The following GALNT13 variants were observed in gnomAD, a reference collection of about 807,000 sequenced individuals.
GALNT13 encodes UDP-GalNAc:polypeptide N-acetylgalactosaminyltransferase 13.
A neutral mutation model predicts 64.2 loss-of-function variants in GALNT13; 28 were observed. That is an observed-to-expected ratio of 0.44 (90% CI 0.32 to 0.60). The LOEUF (loss-of-function observed/expected upper bound fraction) is 0.60, where lower values mean the gene tolerates loss of function less well. GALNT13 is among the 20% of genes least tolerant of loss of function. GALNT13 has a pLI of 0.05. For synonymous variants in GALNT13, 214 were observed against 224.6 expected (o/e 0.95, Z 0.42); for missense variants, 577 against 669.8 (o/e 0.86, Z 1.53).
At chr2:153,156,370 A>T in the GALNT13 span, among the ~76,000 whole-genome samples, 1 of 152,178 alleles carries the variant, frequency 6.6e-6, no homozygotes, top group East Asian at 1.9e-4. Context: ...TCTCTAATAC[A>T]GTCATTTATA....
intron 4 of GALNT13, among the ~76,000 whole-genome samples, chr2:154,205,724 A>G (rs925781239): frequency 6.6e-6 from 1 of 152,156 alleles, no homozygotes; most frequent in African/African-American, 2.4e-5. Flanking sequence ...GGGAACTCCC[A>G]TTTTTAAAAC....
chr2:154,298,549 A>AAATTGTATATATTTATATATAC (rs1693106363), intron 8 of GALNT13, among the ~76,000 whole-genome samples: 1 of 60,266 alleles, frequency 1.7e-5, no homozygotes, highest in Non-Finnish European at 3.2e-5. Context: ...TTTATATATA[A>AAATTGTATATATTTATATATAC]ATTGTATATA....
chr2:153,487,210 A>G, the GALNT13 span, among the ~76,000 whole-genome samples: 2 of 152,244 alleles, frequency 1.3e-5, no homozygotes, highest in Non-Finnish European at 2.9e-5. Context: ...GAAACAATGT[A>G]GGTCACCTAT....
At chr2:153,440,586 A>G in the GALNT13 span, among the ~76,000 whole-genome samples, 2 of 152,042 alleles carry the variant, frequency 1.3e-5, no homozygotes, top group Non-Finnish European at 2.9e-5. Context: ...AAGTGTTCCT[A>G]TTTCTCCACA....
At chr2:153,547,504 ATAAGCC>A in the GALNT13 span, among the ~76,000 whole-genome samples, 1 of 152,244 alleles carries the variant, frequency 6.6e-6, no homozygotes, top group African/African-American at 2.4e-5. Context: ...ATTCATTTTC[ATAAGCC>A]ACAGGTAGAG....
Position 154,358,973 on chromosome 2 carries a change from A to C in GALNT13, c.1157-37018A>C, listed in dbSNP as rs113977231. ...ATAAAATAGGACAAAACAAATTTTG[A>C]TGGGCAATTTCATCGTAGCCCATCT... On this transcript the variant is annotated intron_variant, in intron 9 of 12. Transcript: ENST00000392825. 6.5e-3 allele frequency among the ~76,000 whole-genome samples: 990 copies of C among 152,198 alleles called. 14 individuals are homozygous for C. The highest frequency in any genetic ancestry group is 0.023 in the African/African-American group (944 of 41,530).
the GALNT13 span, among the ~76,000 whole-genome samples, chr2:153,255,736 G>T: frequency 1.3e-5 from 2 of 152,122 alleles, no homozygotes; most frequent in African/African-American, 4.8e-5. Flanking sequence ...AGCTTAGTTT[G>T]GCTGGATATG....
chr2:153,902,661 G>GC (rs2105296077), intron 2 of GALNT13, among the ~76,000 whole-genome samples: 1 of 152,198 alleles, frequency 6.6e-6, no homozygotes, highest in African/African-American at 2.4e-5. Context: ...GGATGGACTG[G>GC]CAGGGGTTGG....
the GALNT13 span, among the ~76,000 whole-genome samples, chr2:153,545,898 A>G: frequency 6.6e-6 from 1 of 152,194 alleles, no homozygotes; most frequent in Non-Finnish European, 1.5e-5. Context: ...AAGTACGTGG[A>G]TCCAGTGGCT....
chr2:153,792,323 T>C, the GALNT13 span, among the ~76,000 whole-genome samples: 1 of 152,160 alleles, frequency 6.6e-6, no homozygotes, highest in African/African-American at 2.4e-5. Context: ...CTCCAAACAA[T>C]ATAACAACTA....
chr2:153,921,955 C>T (rs751503524), intron 2 of GALNT13, among the ~76,000 whole-genome samples: 5 of 151,666 alleles, frequency 3.3e-5, no homozygotes, highest in South Asian at 2.1e-4. Context: ...AATTTAAATA[C>T]GTTAAAATAC....
At chr2:153,827,280 G>T in the GALNT13 span, among the ~76,000 whole-genome samples, 23 of 152,046 alleles carry the variant, frequency 1.5e-4, no homozygotes, top group Non-Finnish European at 2.8e-4. Context: ...ACACCCCACT[G>T]GGTTCCTCCC....
the GALNT13 span, among the ~76,000 whole-genome samples, chr2:153,182,324 G>A: frequency 1.6e-3 from 249 of 152,284 alleles, 1 homozygote; most frequent in East Asian, 0.01. Flanking sequence ...GATTACAGGC[G>A]TGAGCCACAG....
At chr2:153,725,501 AG>A in the GALNT13 span, among the ~76,000 whole-genome samples, 1 of 151,548 alleles carries the variant, frequency 6.6e-6, no homozygotes, top group Non-Finnish European at 1.5e-5. Flanking sequence ...AAAAGAAAAA[AG>A]CTAATATGAC....
rs1188131106 is a variant in GALNT13, at chr2:154,453,351, C to T, written c.*2800C>T. The stretch of plus-strand genomic sequence containing the variant: ...ACACCACTCACCACACATACATACA[C>T]ATGCACACACACACACATGCAATTC... On this transcript the variant is annotated 3_prime_UTR_variant, in exon 13 of 13. Transcript: ENST00000392825. 1 of 152,300 alleles carries T rather than the reference C, an allele frequency of 6.6e-6. No homozygotes were observed. The highest frequency in any genetic ancestry group is 1.5e-5 in the Non-Finnish European group (1 of 68,182). The allele number at this position is 152,300 out of a possible 1,614,324, so 9.4% of individuals were successfully genotyped here.
chr2:153,445,668 A>T, the GALNT13 span, among the ~76,000 whole-genome samples: 1 of 152,114 alleles, frequency 6.6e-6, no homozygotes, highest in African/African-American at 2.4e-5. Context: ...GTGAGCCACC[A>T]TGCCTGTCCT....
chr2:154,211,319 A>T (rs1259567292), intron 4 of GALNT13, among the ~76,000 whole-genome samples: 2 of 151,978 alleles, frequency 1.3e-5, no homozygotes, highest in Non-Finnish European at 2.9e-5. Context: ...ATCTAAACAT[A>T]TCTACACATA....
chr2:154,183,828 T>C (rs1026266737), intron 4 of GALNT13, among the ~76,000 whole-genome samples: 1 of 152,166 alleles, frequency 6.6e-6, no homozygotes, highest in African/African-American at 2.4e-5. Context: ...TTATTTCTGC[T>C]ATTATCATTA....
chr2:154,337,712 A>G (rs879835124), intron 9 of GALNT13, among the ~76,000 whole-genome samples: 2 of 152,076 alleles, frequency 1.3e-5, no homozygotes, highest in Non-Finnish European at 2.9e-5. Context: ...TTAATTGCCC[A>G]AGTCAAAATA....
Sources: allele counts gnomAD v4.1 joint callset (sites outside exome capture counted in the v4.1 genomes callset), GRCh38; gene constraint gnomAD v4.1.1; transcripts MANE v1.5; gene names NCBI Gene and HGNC (gene_info 2026-07-23, HGNC 2026-07-21).